BRD10: variants seen among roughly 807,000 people sequenced by gnomAD.
BRD10 encodes bromodomain containing 10.
the BRD10 span, among the ~76,000 whole-genome samples, chr9:5,918,816 A>C: frequency 7.1e-4 from 4 of 5,622 alleles, no homozygotes; most frequent in Non-Finnish European, 8.7e-3. Context: ...CAGGTGAGTC[A>C]AAAAAAAAAA....
chr9:5,905,556 C>A, the BRD10 span, among the ~76,000 whole-genome samples: 1 of 152,320 alleles, frequency 6.6e-6, no homozygotes, highest in Admixed American at 6.5e-5. Context: ...CAAACTGACT[C>A]TGGTATAGCA....
At chr9:5,889,053 T>C in the BRD10 span, among the ~76,000 whole-genome samples, 1 of 152,226 alleles carries the variant, frequency 6.6e-6, no homozygotes, top group Non-Finnish European at 1.5e-5. Context: ...TGGTGGTCTC[T>C]GCTGGTCTGA....
At chr9:5,910,857 C>A in the BRD10 span, 3 of 152,342 alleles carry the variant, frequency 2.0e-5, no homozygotes, top group Admixed American at 6.5e-5. Context: ...ACCCTGGGAG[C>A]CATGTGTTAA....
the BRD10 span, among the ~76,000 whole-genome samples, chr9:5,896,148 G>A: frequency 6.6e-6 from 1 of 152,218 alleles, no homozygotes; most frequent in Admixed American, 6.5e-5. Flanking sequence ...TGTTGGTTCT[G>A]CCACTTGCTG....
the BRD10 span, among the ~76,000 whole-genome samples, chr9:5,902,221 C>T: frequency 2.0e-5 from 3 of 148,864 alleles, no homozygotes; most frequent in South Asian, 4.1e-4. Flanking sequence ...GTTCTTCTTG[C>T]GTGGATTTTG....
the BRD10 span, among the ~76,000 whole-genome samples, chr9:5,975,038 T>C: frequency 6.6e-6 from 1 of 152,176 alleles, no homozygotes; most frequent in Non-Finnish European, 1.5e-5. Flanking sequence ...ATTTACAATG[T>C]TTGGCATTCA....
chr9:5,967,989 T>G, the BRD10 span: 2 of 1,313,488 alleles, frequency 1.5e-6, no homozygotes, highest in Admixed American at 2.7e-5. Flanking sequence ...TATACTTAAA[T>G]ATAACTCCCA....
At chr9:5,912,538 T>C in the BRD10 span, among the ~76,000 whole-genome samples, 1 of 152,168 alleles carries the variant, frequency 6.6e-6, no homozygotes, top group Non-Finnish European at 1.5e-5. Flanking sequence ...GGGCTGTTAC[T>C]TTACATATTT....
the BRD10 span, among the ~76,000 whole-genome samples, chr9:5,998,413 T>C: frequency 6.6e-6 from 1 of 152,142 alleles, no homozygotes; most frequent in Non-Finnish European, 1.5e-5. Flanking sequence ...CATAACATTT[T>C]AATAATCTAT....
the BRD10 span, chr9:5,922,464 T>G: frequency 7.4e-6 from 12 of 1,613,878 alleles, no homozygotes; most frequent in African/African-American, 1.3e-5. Context: ...CTACTTATAT[T>G]TGATAAAGGT....
chr9:5,924,862 A>G, the BRD10 span: 2 of 1,438,404 alleles, frequency 1.4e-6, no homozygotes, highest in South Asian at 1.7e-5. Context: ...TAAAATGCCC[A>G]ACATAATAAA....
chr9:5,908,938 A>G, the BRD10 span: 2 of 519,422 alleles, frequency 3.9e-6, no homozygotes, highest in Non-Finnish European at 6.8e-6. Flanking sequence ...GTTGCAATGC[A>G]TGATACTATC....
At chr9:5,910,312 C>G in the BRD10 span, 2 of 152,026 alleles carry the variant, frequency 1.3e-5, no homozygotes, top group Non-Finnish European at 2.9e-5. Context: ...AAAATTTCAC[C>G]AAAGGGGAAA....
the BRD10 span, chr9:5,968,560 A>T: frequency 6.2e-7 from 1 of 1,613,910 alleles, no homozygotes; most frequent in Non-Finnish European, 8.5e-7. Context: ...CAGAGATGTC[A>T]TGATTATCCA....
the BRD10 span, among the ~76,000 whole-genome samples, chr9:5,938,333 T>A: frequency 7.3e-5 from 11 of 151,232 alleles, no homozygotes; most frequent in African/African-American, 2.5e-4. Flanking sequence ...TCCCAGCTTC[T>A]CTCAAGGCTG....
the BRD10 span, among the ~76,000 whole-genome samples, chr9:5,917,268 G>C: frequency 6.6e-6 from 1 of 152,156 alleles, no homozygotes; most frequent in African/African-American, 2.4e-5. Context: ...ACAAGGACAG[G>C]GAGTTACATA....
the BRD10 span, among the ~76,000 whole-genome samples, chr9:5,994,835 T>A: frequency 6.6e-6 from 1 of 152,162 alleles, no homozygotes; most frequent in South Asian, 2.1e-4. Flanking sequence ...CTAATATGAC[T>A]TCTTTGAAGG....
the BRD10 span, among the ~76,000 whole-genome samples, chr9:6,005,281 C>T: frequency 1.3e-5 from 2 of 151,524 alleles, no homozygotes; most frequent in South Asian, 4.2e-4. Context: ...GAGGCCGAGG[C>T]GGGCGGATCA....
At chr9:5,979,592 G>C in the BRD10 span, among the ~76,000 whole-genome samples, 4 of 151,922 alleles carry the variant, frequency 2.6e-5, no homozygotes, top group African/African-American at 9.7e-5. Flanking sequence ...AACAGATCTA[G>C]TATTTTTAAG....
Sources: gnomAD v4.1 joint callset for allele counts (sites outside exome capture counted in the v4.1 genomes callset) on GRCh38, gnomAD v4.1.1 for gene constraint, MANE v1.5 for transcripts, NCBI Gene and HGNC (gene_info 2026-07-23, HGNC 2026-07-21) for gene names.